Variants in UVRAG observed in about 807,000 individuals in gnomAD.
The protein encoded by UVRAG is UV radiation resistance-associated gene protein.
UVRAG carries 19 observed loss-of-function variants against 78.0 expected under a neutral mutation model. The observed-to-expected ratio is 0.24, with a 90% confidence interval of 0.17 to 0.36. The LOEUF is 0.36. UVRAG is among the 10% of genes least tolerant of loss of function. UVRAG has a pLI of 1.00. For synonymous variants in UVRAG, 323 were observed against 324.6 expected, an observed-to-expected ratio of 1.00 and a Z score of 0.05; for missense variants, 740 against 853.8, an observed-to-expected ratio of 0.87 and a Z score of 1.66.
chr11:75,847,931 A>G (rs1020948367), intron 1 of UVRAG, among the ~76,000 whole-genome samples: 9 of 150,050 alleles, frequency 6.0e-5, no homozygotes, highest in African/African-American at 2.2e-4. Context: ...AGATCGCACC[A>G]CTGCACTCCA....
chr11:75,834,518 T>C lies in UVRAG; in HGVS notation c.118-17365T>C, dbSNP rs149368890. ...ACTAATAGTCTATAGGGAAACACTTTAAGACCATGCATGGGGCCGGGCGCA... is the reference window on the plus strand; with the variant it reads ...ACTAATAGTCTATAGGGAAACACTTCAAGACCATGCATGGGGCCGGGCGCA... On this transcript the variant is annotated intron_variant, in intron 1 of 14. Transcript: ENST00000356136. Among the ~76,000 whole-genome samples the C allele has an allele frequency of 3.8e-3, 582 of 152,306 alleles. 4 individuals are homozygous for C. Among genetic ancestry groups the C allele is most frequent in the African/African-American group, 0.013 (543 of 41,566 alleles).
intron 6 of UVRAG, among the ~76,000 whole-genome samples, chr11:75,939,294 T>G (rs910457913): frequency 3.3e-5 from 5 of 152,188 alleles, no homozygotes; most frequent in African/African-American, 1.2e-4. Flanking sequence ...TCATTTTCTT[T>G]GTCCTCTTTG....
At chr11:75,975,090 G>T (rs576116504) in intron 7 of UVRAG, among the ~76,000 whole-genome samples, 99 of 152,222 alleles carry the variant, frequency 6.5e-4, no homozygotes, top group South Asian at 2.7e-3. Flanking sequence ...TTCAGCTTTT[G>T]ACATATGGCT....
At chr11:76,066,469 A>AT (rs1156614372) in intron 13 of UVRAG, among the ~76,000 whole-genome samples, 66 of 150,816 alleles carry the variant, frequency 4.4e-4, no homozygotes, top group African/African-American at 7.8e-4. Context: ...TTTGTTTTTT[A>AT]TTTTTTTTTG....
intron 6 of UVRAG, among the ~76,000 whole-genome samples, chr11:75,957,811 T>A (rs1948830321): frequency 6.6e-6 from 1 of 152,210 alleles, no homozygotes; most frequent in Non-Finnish European, 1.5e-5. Context: ...ATTTAAAAAT[T>A]TCATAACTCA....
chr11:75,874,269 GA>G (rs371221850), intron 3 of UVRAG, among the ~76,000 whole-genome samples: 4 of 147,030 alleles, frequency 2.7e-5, no homozygotes, highest in Admixed American at 6.8e-5. Context: ...GGTAGAAAGA[GA>G]AAAAAAAAAC....
chr11:75,991,211 A>G (rs933023337), intron 8 of UVRAG, among the ~76,000 whole-genome samples: 1 of 152,236 alleles, frequency 6.6e-6, no homozygotes, highest in African/African-American at 2.4e-5. Flanking sequence ...TTTTGTACAT[A>G]CAAGGCCTGC....
At chr11:75,953,856 A>G (rs1948748038) in intron 6 of UVRAG, among the ~76,000 whole-genome samples, 2 of 152,174 alleles carry the variant, frequency 1.3e-5, no homozygotes. Flanking sequence ...AACACCAGTG[A>G]CGATAAGTTT....
intron 6 of UVRAG, among the ~76,000 whole-genome samples, chr11:75,924,779 A>C (rs1284675964): frequency 6.6e-6 from 1 of 151,986 alleles, no homozygotes; most frequent in Non-Finnish European, 1.5e-5. Context: ...TTTAACTAGG[A>C]CCTCTTATAG....
chr11:75,969,985 C>G (rs1460250323), intron 7 of UVRAG, among the ~76,000 whole-genome samples: 1 of 152,124 alleles, frequency 6.6e-6, no homozygotes, highest in Non-Finnish European at 1.5e-5. Context: ...TAATTGTTTA[C>G]TTTATACCTT....
intron 12 of UVRAG, among the ~76,000 whole-genome samples, chr11:76,044,872 A>G (rs1950717487): frequency 6.7e-6 from 1 of 149,934 alleles, no homozygotes; most frequent in South Asian, 2.1e-4. Context: ...AATCAACAAA[A>G]TTGTGAGAAC....
Position 75,950,485 on chromosome 11 carries a change from T to A in UVRAG, c.594-10959T>A, listed in dbSNP as rs112442386. 5.2e-3 allele frequency among the ~76,000 whole-genome samples: 791 copies of A among 152,258 alleles called. 8 individuals carry two copies. Among genetic ancestry groups the A allele is most frequent in the African/African-American group, 0.018 (728 of 41,546 alleles). ...GGGGGCTGATCTCAAACTCCTGATG[T>A]CAAGTGATTTCTCCCATCTCAGCTT... On this transcript the variant is annotated intron_variant, in intron 6 of 14. Coordinates refer to ENST00000356136, the MANE Select transcript of UVRAG (RefSeq NM_003369.4).
At chr11:75,974,708 A>G (rs1213713933) in intron 7 of UVRAG, among the ~76,000 whole-genome samples, 1 of 152,042 alleles carries the variant, frequency 6.6e-6, no homozygotes, top group African/African-American at 2.4e-5. Context: ...CTCTTTGCCC[A>G]CTTTTTGATG....
At chr11:75,827,747 G>C (rs11236545) in intron 1 of UVRAG, among the ~76,000 whole-genome samples, 25,630 of 152,030 alleles carry the variant, frequency 0.17, 3,063 homozygotes, top group African/African-American at 0.34. Context: ...TGTATGTCTT[G>C]TGTCTGCCAG....
At chr11:76,019,538 A>G (rs888895315) in intron 12 of UVRAG, among the ~76,000 whole-genome samples, 4 of 152,210 alleles carry the variant, frequency 2.6e-5, no homozygotes, top group East Asian at 1.9e-4. Context: ...TCTAAGCTGT[A>G]TCTGCATTAG....
intron 8 of UVRAG, among the ~76,000 whole-genome samples, chr11:75,985,353 T>C (rs1949479063): frequency 6.6e-6 from 1 of 152,012 alleles, no homozygotes; most frequent in Non-Finnish European, 1.5e-5. Context: ...AGATACACTC[T>C]TTTGTGATAT....
chr11:76,135,193 C>T (rs778415450), intron 14 of UVRAG, among the ~76,000 whole-genome samples: 4 of 152,136 alleles, frequency 2.6e-5, no homozygotes, highest in East Asian at 1.9e-4. Flanking sequence ...AACTAATAAA[C>T]GAATGTAACC....
At chr11:76,063,256 A>G (rs1951127056) in intron 12 of UVRAG, among the ~76,000 whole-genome samples, 1 of 152,248 alleles carries the variant, frequency 6.6e-6, no homozygotes, top group African/African-American at 2.4e-5. Flanking sequence ...GTAATCACAC[A>G]GTGAGTGTAA....
At chr11:75,846,593 ATT>A (rs879801288) in intron 1 of UVRAG, among the ~76,000 whole-genome samples, 6 of 140,978 alleles carry the variant, frequency 4.3e-5, no homozygotes, top group Admixed American at 1.4e-4. Flanking sequence ...GTCTACATTC[ATT>A]TTTTTTTTTT....
Sources: gnomAD v4.1 joint callset for allele counts (sites outside exome capture counted in the v4.1 genomes callset) on GRCh38, gnomAD v4.1.1 for gene constraint, MANE v1.5 for transcripts, NCBI Gene and HGNC (gene_info 2026-07-23, HGNC 2026-07-21) for gene names.